The following RBFOX1 variants were observed in gnomAD, a reference collection of about 807,000 sequenced individuals.
RBFOX1 encodes RNA binding fox-1 homolog 1.
In RBFOX1, 8 loss-of-function variants were observed where a neutral mutation model predicts 57.7. That is an observed-to-expected ratio of 0.14 (90% CI 0.08 to 0.25). RBFOX1 has a LOEUF of 0.25. Among genes scored for constraint, RBFOX1 ranks in the 10% least tolerant of loss-of-function variants. The pLI is 1.00. For synonymous variants in RBFOX1, 326 were observed against 222.4 expected, an observed-to-expected ratio of 1.47 and a Z score of -4.15; for missense variants, 611 against 548.5, an observed-to-expected ratio of 1.11 and a Z score of -1.14.
intron 15 of RBFOX1, 61 bp from the exon 16 acceptor site, chr16:7,710,562 T>C: frequency 3.1e-6 from 5 of 1,604,726 alleles, no homozygotes; most frequent in Non-Finnish European, 4.2e-6. Flanking sequence ...GTCTTTTTGA[T>C]GATCCACATG....
intron 4 of RBFOX1, among the ~76,000 whole-genome samples, chr16:7,429,335 C>T (rs2098655952): frequency 6.6e-6 from 1 of 152,180 alleles, no homozygotes; most frequent in Non-Finnish European, 1.5e-5. Context: ...CCTGCCTCTC[C>T]TTCCCTCACC....
intron 3 of RBFOX1, among the ~76,000 whole-genome samples, chr16:6,948,610 G>C (rs2080057318): frequency 6.6e-6 from 1 of 151,792 alleles, no homozygotes; most frequent in African/African-American, 2.4e-5. Flanking sequence ...TTGAACTGCT[G>C]ACTTCAAATG....
chr16:5,804,636 G>A (rs1045330234), intron 3 of RBFOX1, among the ~76,000 whole-genome samples: 2 of 152,126 alleles, frequency 1.3e-5, no homozygotes, highest in African/African-American at 4.8e-5. Flanking sequence ...CCACCCTGCT[G>A]CATCCTCCCT....
chr16:6,364,012 T>G (rs978565612), intron 2 of RBFOX1, among the ~76,000 whole-genome samples: 9 of 152,200 alleles, frequency 5.9e-5, no homozygotes, highest in Non-Finnish European at 1.3e-4. Context: ...AGAAGGCTTC[T>G]CCGTGTTTTC....
chr16:5,244,142 C>G (rs1386890351), intron 1 of RBFOX1, among the ~76,000 whole-genome samples: 1 of 152,174 alleles, frequency 6.6e-6, no homozygotes, highest in Non-Finnish European at 1.5e-5. Flanking sequence ...GGTGATCTGC[C>G]TGCCTCGGCC....
At chr16:6,961,694 G>C (rs964328118) in intron 3 of RBFOX1, among the ~76,000 whole-genome samples, 22 of 152,150 alleles carry the variant, frequency 1.4e-4, no homozygotes, top group African/African-American at 5.3e-4. Context: ...TTCCTCTGGA[G>C]GTGAGGTTCC....
intron 1 of RBFOX1, among the ~76,000 whole-genome samples, chr16:5,359,304 G>A (rs2065478169): frequency 6.6e-6 from 1 of 152,194 alleles, no homozygotes; most frequent in Admixed American, 6.5e-5. Flanking sequence ...TTGATATACT[G>A]GTCTCCTTCC....
intron 1 of RBFOX1, among the ~76,000 whole-genome samples, chr16:5,430,520 C>A (rs151293349): frequency 1.3e-5 from 2 of 152,216 alleles, no homozygotes; most frequent in Non-Finnish European, 2.9e-5. Context: ...CACCCAGGAA[C>A]GGAAGGAGCA....
At chr16:6,574,793 C>G (rs1437472038) in intron 2 of RBFOX1, among the ~76,000 whole-genome samples, 6 of 148,456 alleles carry the variant, frequency 4.0e-5, no homozygotes, top group South Asian at 2.2e-4. Flanking sequence ...AATCCCAGCA[C>G]TTAGGGAGGC....
intron 3 of RBFOX1, chr16:6,704,202 G>C (rs1015699421): frequency 2.0e-5 from 3 of 152,182 alleles, no homozygotes; most frequent in South Asian, 4.1e-4. Flanking sequence ...GGTCATGCAG[G>C]AGTTAAAAAC....
intron 3 of RBFOX1, among the ~76,000 whole-genome samples, chr16:6,685,310 C>G (rs1311202089): frequency 3.4e-5 from 5 of 148,138 alleles, no homozygotes; most frequent in African/African-American, 1.3e-4. Context: ...GAGTCTCACC[C>G]TGTTGCCCAG....
intron 4 of RBFOX1, among the ~76,000 whole-genome samples, chr16:7,129,988 T>C (rs1463966606): frequency 6.6e-6 from 1 of 151,874 alleles, no homozygotes; most frequent in Admixed American, 6.6e-5. Context: ...TATACTCCTC[T>C]ACTTCCATCT....
chr16:7,350,073 G>A (rs2097099957), intron 4 of RBFOX1, among the ~76,000 whole-genome samples: 1 of 152,116 alleles, frequency 6.6e-6, no homozygotes, highest in African/African-American at 2.4e-5. Context: ...CTTGAACTTG[G>A]GAGGCAGAGG....
Position 6,557,088 on chromosome 16 carries a change from C to T in RBFOX1, c.-63-97515C>T, listed in dbSNP as rs1181538756. On this transcript the variant is annotated intron_variant, in intron 2 of 15. Transcript: ENST00000550418. The stretch of plus-strand genomic sequence containing the variant: ...ACATACATATATACATATATACATA[C>T]ATATACATATATACATACATATATA... Among the ~76,000 whole-genome samples the T allele has an allele frequency of 3.2e-4, 45 of 140,014 alleles. No individual in the cohort carries two copies. The East Asian group carries it at 9.1e-3, about 28-fold the overall frequency. 91.9% of individuals were successfully genotyped at this position (140,014 alleles called of 152,430 possible). A position where few individuals can be genotyped will look rare whatever the true frequency, so the allele number is the denominator to read the frequency against.
At chr16:6,923,046 G>C (rs776008218) in intron 3 of RBFOX1, among the ~76,000 whole-genome samples, 1 of 152,132 alleles carries the variant, frequency 6.6e-6, no homozygotes, top group East Asian at 1.9e-4. Flanking sequence ...GTGCAGTACC[G>C]TCGGCTGTTT....
At chr16:7,098,575 A>G (rs1001435792) in intron 4 of RBFOX1, among the ~76,000 whole-genome samples, 1 of 152,172 alleles carries the variant, frequency 6.6e-6, no homozygotes, top group Admixed American at 6.5e-5. Context: ...TTAAACATAT[A>G]CATTCGGTTA....
chr16:6,702,478 C>T (rs148151916), intron 3 of RBFOX1, among the ~76,000 whole-genome samples: 14 of 152,024 alleles, frequency 9.2e-5, no homozygotes, highest in East Asian at 3.9e-4. Flanking sequence ...TGCTTGAGCC[C>T]GGGAGGCAGA....
intron 1 of RBFOX1, among the ~76,000 whole-genome samples, chr16:5,298,092 G>C (rs1033049191): frequency 1.5e-4 from 23 of 152,144 alleles, no homozygotes; most frequent in African/African-American, 5.6e-4. Flanking sequence ...TTAAGTAAAA[G>C]ATGTGATAAC....
intron 1 of RBFOX1, among the ~76,000 whole-genome samples, chr16:5,401,866 G>A (rs1259636155): frequency 2.0e-5 from 3 of 150,762 alleles, no homozygotes; most frequent in Non-Finnish European, 4.4e-5. Flanking sequence ...TCTCGTCATC[G>A]TCGTCGTCAT....
Sources: allele counts gnomAD v4.1 joint callset (sites outside exome capture counted in the v4.1 genomes callset), GRCh38; gene constraint gnomAD v4.1.1; transcripts MANE v1.5; gene names NCBI Gene and HGNC (gene_info 2026-07-23, HGNC 2026-07-21).